The following TRPM3 variants were observed in gnomAD, a reference collection of about 807,000 sequenced individuals.
The protein encoded by TRPM3 is long transient receptor potential channel 3.
Under a neutral mutation model 181.2 loss-of-function variants are expected in TRPM3, and 77 were observed. That is an observed-to-expected ratio of 0.42 (90% CI 0.35 to 0.51). The LOEUF (loss-of-function observed/expected upper bound fraction) is 0.51, where lower values mean the gene tolerates loss of function less well. Among genes scored for constraint, TRPM3 ranks in the 20% least tolerant of loss-of-function variants. TRPM3 has a pLI of 0.01. For synonymous variants in TRPM3, 745 were observed against 796.4 expected, an observed-to-expected ratio of 0.94 and a Z score of 1.09; for missense variants, 1,759 against 2,196.7, an observed-to-expected ratio of 0.80 and a Z score of 3.98.
chr9:71,430,641 G>A (rs564913230), intron 1 of TRPM3, among the ~76,000 whole-genome samples: 16 of 151,930 alleles, frequency 1.1e-4, no homozygotes, highest in Non-Finnish European at 2.1e-4. Context: ...GTGAAACCCC[G>A]TCTCTATTAA....
intron 1 of TRPM3, among the ~76,000 whole-genome samples, chr9:71,403,680 C>T (rs1452825292): frequency 1.3e-5 from 2 of 152,028 alleles, no homozygotes; most frequent in Non-Finnish European, 2.9e-5. Context: ...AGTCATAAAG[C>T]TAATAAATGA....
chr9:70,694,504 G>A (rs1359884176), intron 8 of TRPM3, among the ~76,000 whole-genome samples: 1 of 151,720 alleles, frequency 6.6e-6, no homozygotes, highest in African/African-American at 2.4e-5. Flanking sequence ...TTTTTGAGAC[G>A]GAGTCTTGCT....
intron 6 of TRPM3, chr9:70,825,572 T>G (rs2093500134): frequency 6.6e-6 from 1 of 152,210 alleles, no homozygotes; most frequent in East Asian, 1.9e-4. Flanking sequence ...GATGTGTCCC[T>G]GATGATCTAC....
At chr9:71,096,586 A>ACT (rs1410846317) in intron 1 of TRPM3, among the ~76,000 whole-genome samples, 26 of 100,242 alleles carry the variant, frequency 2.6e-4, no homozygotes, top group African/African-American at 1.2e-3. Context: ...ACACACACAC[A>ACT]CACACTCTCT....
At chr9:71,115,766 T>C (rs1038053506) in intron 1 of TRPM3, among the ~76,000 whole-genome samples, 1 of 152,124 alleles carries the variant, frequency 6.6e-6, no homozygotes, top group Non-Finnish European at 1.5e-5. Flanking sequence ...ATTTTCATTC[T>C]TGCCTCCACA....
At chr9:70,770,638 G>C (rs757948654) in intron 7 of TRPM3, among the ~76,000 whole-genome samples, 21 of 152,234 alleles carry the variant, frequency 1.4e-4, no homozygotes, top group Middle Eastern at 3.4e-3. Context: ...TTACCAGTGA[G>C]GGATCTGAGA....
intron 22 of TRPM3, among the ~76,000 whole-genome samples, chr9:70,588,818 T>A (rs2057611954): frequency 6.6e-6 from 1 of 152,226 alleles, no homozygotes; most frequent in South Asian, 2.1e-4. Context: ...TCCAGGGCCA[T>A]AACATGAATA....
intron 1 of TRPM3, among the ~76,000 whole-genome samples, chr9:71,215,560 T>C (rs1338494675): frequency 2.6e-5 from 4 of 152,244 alleles, no homozygotes; most frequent in Admixed American, 2.6e-4. Context: ...AAGATTATCT[T>C]TGAACTTGTC....
chr9:71,168,612 T>TA (rs1406592847), intron 1 of TRPM3, among the ~76,000 whole-genome samples: 40 of 124,630 alleles, frequency 3.2e-4, no homozygotes, highest in Admixed American at 8.9e-4. Flanking sequence ...TTTATTTATT[T>TA]TTTTATTATT....
intron 1 of TRPM3, among the ~76,000 whole-genome samples, chr9:70,924,988 T>C (rs1220398926): frequency 6.6e-6 from 1 of 152,146 alleles, no homozygotes; most frequent in Non-Finnish European, 1.5e-5. Context: ...CTGCGCTCTT[T>C]CCACTGAACC....
chr9:71,235,418 G>A lies in TRPM3; in HGVS notation c.183+211235C>T, dbSNP rs1343841815. ...CTAGACCATGAGGCCCATGATCATG[G>A]AGACTTTCTCCTGTTCACTATGTAT... On this transcript the variant is annotated intron_variant, in intron 1 of 24. Transcript: ENST00000357533. Among the ~76,000 whole-genome samples the A allele has an allele frequency of 3.3e-5, 5 of 152,276 alleles. No individual in the cohort carries two copies. In the East Asian group the frequency reaches 9.7e-4, roughly 29 times the overall value.
At chr9:71,426,842 C>T (rs2093872599) in intron 1 of TRPM3, among the ~76,000 whole-genome samples, 1 of 152,038 alleles carries the variant, frequency 6.6e-6, no homozygotes, top group African/African-American at 2.4e-5. Flanking sequence ...AAATTCAGAC[C>T]TAATCCCAGA....
At chr9:70,761,183 T>G in intron 8 of TRPM3, 1 of 512,710 alleles carries the variant, frequency 2.0e-6, no homozygotes, top group Non-Finnish European at 3.5e-6. Flanking sequence ...CCTGTACAGA[T>G]TAGTGTAACA....
At chr9:71,084,351 T>C (rs1462464732) in intron 1 of TRPM3, among the ~76,000 whole-genome samples, 1 of 152,112 alleles carries the variant, frequency 6.6e-6, no homozygotes, top group Non-Finnish European at 1.5e-5. Flanking sequence ...GAAGTGATCT[T>C]GGGCATGAAT....
Position 70,803,597 on chromosome 9 carries a change from C to T in TRPM3, c.974-19318G>A, listed in dbSNP as rs375205061. 5.9e-3 allele frequency among the ~76,000 whole-genome samples: 900 copies of T among 151,778 alleles called. 13 individuals carry two copies. The highest frequency in any genetic ancestry group is 0.021 in the African/African-American group (864 of 41,416). On this transcript the variant is annotated intron_variant, in intron 6 of 25. Transcript: ENST00000677713. ...CAGAGTAGCTGGGACCACAGGCGCC[C>T]GCCACTACACCCGGCCAATTTTTTT...
Position 71,310,277 on chromosome 9 carries a change from G to GA in TRPM3, c.183+136375dup, listed in dbSNP as rs575555770. Among the ~76,000 whole-genome samples, 846 of 148,930 alleles carry GA rather than the reference G, an allele frequency of 5.7e-3. 9 individuals are homozygous for GA. The highest frequency in any genetic ancestry group is 0.018 in the African/African-American group (745 of 40,692). ...TTTTATATGTCTCTCTAGCAGTCAGGAAAAAAAAACCCAAAATAAAACTAA... is the reference window on the plus strand; with the variant it reads ...TTTTATATGTCTCTCTAGCAGTCAGGAAAAAAAAAACCCAAAATAAAACTAA... On this transcript the variant is annotated intron_variant, in intron 1 of 24. Transcript: ENST00000357533.
intron 1 of TRPM3, among the ~76,000 whole-genome samples, chr9:70,885,873 T>C (rs532081678): frequency 6.6e-6 from 1 of 152,326 alleles, no homozygotes; most frequent in African/African-American, 2.4e-5. Flanking sequence ...TCTGCCCAAG[T>C]CTCTGGTACT....
At chr9:71,418,998 T>A (rs2093685541) in intron 1 of TRPM3, among the ~76,000 whole-genome samples, 1 of 150,598 alleles carries the variant, frequency 6.6e-6, no homozygotes, top group South Asian at 2.1e-4. Context: ...CAAATGTTGT[T>A]TCATTACTGT....
chr9:70,585,991 T>C (rs11790957), intron 22 of TRPM3, among the ~76,000 whole-genome samples: 24,929 of 152,164 alleles, frequency 0.16, 2,249 homozygotes, highest in East Asian at 0.25. Context: ...CTCCTGGAAC[T>C]TTTCATACTA....
Sources: gnomAD v4.1 joint callset for allele counts (sites outside exome capture counted in the v4.1 genomes callset) on GRCh38, gnomAD v4.1.1 for gene constraint, MANE v1.5 for transcripts, NCBI Gene and HGNC (gene_info 2026-07-23, HGNC 2026-07-21) for gene names.